MARCHF5: variants seen among roughly 807,000 people sequenced by gnomAD.
The protein encoded by MARCHF5 is E3 ubiquitin-protein ligase MARCHF5.
MARCHF5 carries 5 observed loss-of-function variants against 36.5 expected under a neutral mutation model. The observed-to-expected ratio is 0.14, with a 90% confidence interval of 0.07 to 0.29. The LOEUF is 0.29. MARCHF5 is among the 10% of genes least tolerant of loss of function. The pLI is 1.00. For missense variants in MARCHF5, 179 were observed against 336.3 expected, an observed-to-expected ratio of 0.53 and a Z score of 3.66; for synonymous variants, 103 against 109.9, an observed-to-expected ratio of 0.94 and a Z score of 0.39.
At chr10:92,321,316 C>T (rs1228909883) in intron 2 of MARCHF5, among the ~76,000 whole-genome samples, 3 of 152,014 alleles carry the variant, frequency 2.0e-5, no homozygotes, top group African/African-American at 7.3e-5. Flanking sequence ...GGGCTTTTGT[C>T]ATGAAAAAGT....
intron 1 of MARCHF5, among the ~76,000 whole-genome samples, chr10:92,303,514 C>G (rs192327869): frequency 3.2e-4 from 49 of 152,132 alleles, no homozygotes; most frequent in African/African-American, 1.1e-3. Context: ...GCACTTAATG[C>G]TTGGTATAGT....
chr10:92,336,613 G>T (rs1325638480), intron 2 of MARCHF5, among the ~76,000 whole-genome samples: 3 of 152,044 alleles, frequency 2.0e-5, no homozygotes, highest in Admixed American at 6.6e-5. Context: ...TGAAGTAGGG[G>T]TTCGTAGGGT....
At chr10:92,328,337 C>CT (rs946503697) in intron 2 of MARCHF5, among the ~76,000 whole-genome samples, 4,872 of 123,474 alleles carry the variant, frequency 0.039, 95 homozygotes, top group African/African-American at 0.061. Flanking sequence ...TGTAAAGTTA[C>CT]TTTTTTTTTT....
intron 2 of MARCHF5, among the ~76,000 whole-genome samples, chr10:92,327,143 A>G (rs1843371857): frequency 6.6e-6 from 1 of 152,184 alleles, no homozygotes; most frequent in Non-Finnish European, 1.5e-5. Context: ...AGCTACTTGC[A>G]ATGAGGGAAC....
intron 1 of MARCHF5, among the ~76,000 whole-genome samples, chr10:92,297,304 C>CTACT (rs1206431859): frequency 6.6e-6 from 1 of 151,440 alleles, no homozygotes; most frequent in African/African-American, 2.4e-5. Flanking sequence ...GTAGCTGGGA[C>CTACT]TACTGGTGTG....
intron 2 of MARCHF5, among the ~76,000 whole-genome samples, chr10:92,333,150 A>G (rs1369753761): frequency 7.0e-6 from 1 of 142,350 alleles, no homozygotes; most frequent in Non-Finnish European, 1.5e-5. Flanking sequence ...ACAAGAGTAA[A>G]TCTCCGTCTT....
At chr10:92,311,099 G>T in intron 1 of MARCHF5, 36 bp from the exon 2 acceptor site, 2 of 1,556,368 alleles carry the variant, frequency 1.3e-6, no homozygotes, top group Non-Finnish European at 1.8e-6. Context: ...GAGTCCTAAA[G>T]ATATAAATGT....
chr10:92,299,135 T>G (rs1842982664), intron 1 of MARCHF5, among the ~76,000 whole-genome samples: 1 of 152,208 alleles, frequency 6.6e-6, no homozygotes, highest in African/African-American at 2.4e-5. Flanking sequence ...TTACATTTTT[T>G]TGCTGCCTTC....
At chr10:92,292,937 G>T (rs1444524645) in intron 1 of MARCHF5, among the ~76,000 whole-genome samples, 1 of 152,096 alleles carries the variant, frequency 6.6e-6, no homozygotes, top group African/African-American at 2.4e-5. Flanking sequence ...TCCTTTCATT[G>T]TAAATTGGCA....
Position 92,351,344 on chromosome 10 carries a change from T to C in MARCHF5, c.*137T>C. The C allele has an allele frequency of 9.0e-6, 5 of 554,982 alleles. No individual in the cohort carries two copies. The highest frequency in any genetic ancestry group is 1.6e-5 in the Non-Finnish European group (5 of 314,808). 34.4% of individuals were successfully genotyped at this position (554,982 alleles called of 1,614,324 possible). A position where few individuals can be genotyped will look rare whatever the true frequency, so the allele number is the denominator to read the frequency against. ...TTTTTTAAGAAATATAATAAAGCAC[T>C]TAGGGCAGGGGAAATCATCTCGGTA... On this transcript the variant is annotated 3_prime_UTR_variant, in exon 6 of 6. Transcript: ENST00000358935.
intron 1 of MARCHF5, among the ~76,000 whole-genome samples, chr10:92,299,379 A>G (rs1842986181): frequency 1.3e-5 from 2 of 152,206 alleles, no homozygotes; most frequent in Admixed American, 1.3e-4. Flanking sequence ...ATCCAGCCCC[A>G]ACCTACCTTA....
At chr10:92,332,905 C>T (rs1030236826) in intron 2 of MARCHF5, among the ~76,000 whole-genome samples, 1 of 151,964 alleles carries the variant, frequency 6.6e-6, no homozygotes, top group Non-Finnish European at 1.5e-5. Context: ...TGGCTCACGC[C>T]TGTAATCCCA....
At chr10:92,312,254 TA>T (rs1424664917) in intron 2 of MARCHF5, among the ~76,000 whole-genome samples, 1 of 152,218 alleles carries the variant, frequency 6.6e-6, no homozygotes, top group African/African-American at 2.4e-5. Flanking sequence ...TGTGGCAACA[TA>T]AATGCAGATA....
intron 2 of MARCHF5, among the ~76,000 whole-genome samples, chr10:92,315,250 A>G (rs1417125060): frequency 1.3e-5 from 2 of 152,260 alleles, no homozygotes; most frequent in African/African-American, 4.8e-5. Flanking sequence ...CCATTAAACA[A>G]AATACTTAAG....
At chr10:92,310,278 G>A (rs1471315075) in intron 1 of MARCHF5, among the ~76,000 whole-genome samples, 20 of 152,172 alleles carry the variant, frequency 1.3e-4, no homozygotes, top group South Asian at 4.1e-4. Flanking sequence ...ATGGAGGGGA[G>A]GAGCGAAGGG....
intron 3 of MARCHF5, among the ~76,000 whole-genome samples, chr10:92,347,458 C>T (rs931553992): frequency 1.1e-4 from 15 of 142,246 alleles, no homozygotes; most frequent in East Asian, 2.1e-4. Context: ...ACTGAAACTC[C>T]GTCTCAGATA....
At chr10:92,314,214 T>TA (rs5786990) in intron 2 of MARCHF5, among the ~76,000 whole-genome samples, 151,960 of 152,166 alleles carry the variant, frequency 1, 75,877 homozygotes, top group Middle Eastern at 1. Context: ...CAATCTTAAA[T>TA]AAAAGAGAGA....
At chr10:92,313,327 G>A (rs910730975) in intron 2 of MARCHF5, among the ~76,000 whole-genome samples, 6 of 151,838 alleles carry the variant, frequency 4.0e-5, no homozygotes, top group Admixed American at 2.0e-4. Flanking sequence ...TGGCCGGGCC[G>A]GGCGCGGTGG....
intron 1 of MARCHF5, among the ~76,000 whole-genome samples, chr10:92,303,435 C>T (rs1273755913): frequency 6.6e-6 from 1 of 152,122 alleles, no homozygotes; most frequent in Non-Finnish European, 1.5e-5. Flanking sequence ...CTTGAAACCT[C>T]AGCTGTTTCA....
Sources: gnomAD v4.1 joint callset for allele counts (sites outside exome capture counted in the v4.1 genomes callset) on GRCh38, gnomAD v4.1.1 for gene constraint, MANE v1.5 for transcripts, NCBI Gene and HGNC (gene_info 2026-07-23, HGNC 2026-07-21) for gene names.